The following NTM variants were observed in gnomAD, a reference collection of about 807,000 sequenced individuals.
The protein encoded by NTM is neurotrimin.
Under a neutral mutation model 42.1 loss-of-function variants are expected in NTM, and 13 were observed. The ratio of observed to expected loss-of-function variants is 0.31; its 90% CI spans 0.20 to 0.49. NTM has a LOEUF of 0.49. Among genes scored for constraint, NTM ranks in the 20% least tolerant of loss-of-function variants. NTM has a pLI of 0.99. For missense variants in NTM, 373 were observed against 452.8 expected, an observed-to-expected ratio of 0.82 and a Z score of 1.60; for synonymous variants, 187 against 179.2, an observed-to-expected ratio of 1.04 and a Z score of -0.35.
rs1343878743 is a variant in NTM, at chr11:131,681,127, T to TTCTGTG, written c.83-230435_83-230430dup. Reference sequence around the variant, plus strand: ...TCCCTGTGTGTGTGAGCGTGTGTGTTTCTGTGTATGTATGTTTCCCTGTGT... The same window carrying TTCTGTG: ...TCCCTGTGTGTGTGAGCGTGTGTGTTTCTGTGTCTGTGTATGTATGTTTCCCTGTGT... On this transcript the variant is annotated intron_variant, in intron 1 of 8. Transcript: ENST00000683400. Among the ~76,000 whole-genome samples the TTCTGTG allele has an allele frequency of 5.9e-5, 3 of 50,760 alleles. 1 individual carries two copies. The highest frequency in any genetic ancestry group is 2.8e-4 in the Admixed American group (1 of 3,636). 33.3% of individuals were successfully genotyped at this position (50,760 alleles called of 152,430 possible). A position where few individuals can be genotyped will look rare whatever the true frequency, so the allele number is the denominator to read the frequency against.
chr11:132,273,309 G>GT (rs57877862), intron 4 of NTM, among the ~76,000 whole-genome samples: 24,445 of 55,684 alleles, frequency 0.44, 9,539 homozygotes, highest in African/African-American at 0.49. Context: ...GTTGACTAGT[G>GT]TTTTTTTTTT....
At chr11:131,700,807 C>T (rs147578808) in intron 1 of NTM, among the ~76,000 whole-genome samples, 1 of 152,308 alleles carries the variant, frequency 6.6e-6, no homozygotes, top group East Asian at 1.9e-4. Context: ...TAGAAATTGT[C>T]CTTGATCTTT....
chr11:132,148,994 G>T (rs1372559591), intron 3 of NTM, among the ~76,000 whole-genome samples: 1 of 152,128 alleles, frequency 6.6e-6, no homozygotes, highest in Non-Finnish European at 1.5e-5. Context: ...GCTGATGGGT[G>T]TATTGATCTG....
At chr11:131,809,740 T>C (rs2092660364) in intron 1 of NTM, among the ~76,000 whole-genome samples, 1 of 152,210 alleles carries the variant, frequency 6.6e-6, no homozygotes, top group Admixed American at 6.5e-5. Context: ...ACGGCACCAA[T>C]ATAAATCTTC....
At chr11:132,292,035 A>G (rs968907283) in intron 4 of NTM, among the ~76,000 whole-genome samples, 7 of 152,194 alleles carry the variant, frequency 4.6e-5, no homozygotes, top group Non-Finnish European at 8.8e-5. Context: ...TAAGGCAGAC[A>G]TTAGAAGGTG....
intron 1 of NTM, among the ~76,000 whole-genome samples, chr11:131,452,569 G>A (rs1182273617): frequency 6.6e-6 from 1 of 152,218 alleles, no homozygotes; most frequent in East Asian, 1.9e-4. Flanking sequence ...GCTATGTGAT[G>A]ATATGGGAAA....
chr11:132,239,515 TC>T (rs1258257594), intron 4 of NTM, among the ~76,000 whole-genome samples: 1 of 152,212 alleles, frequency 6.6e-6, no homozygotes, highest in East Asian at 1.9e-4. Context: ...TTTACCATGT[TC>T]ATCTGCCCAA....
At chr11:131,493,882 C>A (rs1565561110) in intron 1 of NTM, among the ~76,000 whole-genome samples, 1 of 152,196 alleles carries the variant, frequency 6.6e-6, no homozygotes, top group African/African-American at 2.4e-5. Context: ...CTGAGCTGCA[C>A]CTCCATAGCC....
intron 1 of NTM, among the ~76,000 whole-genome samples, chr11:131,495,563 C>T (rs894956852): frequency 7.9e-5 from 12 of 152,328 alleles, no homozygotes; most frequent in African/African-American, 2.4e-4. Flanking sequence ...CCAGTGTGGT[C>T]GATACTTGGG....
At chr11:131,812,234 C>T (rs2092765926) in intron 1 of NTM, among the ~76,000 whole-genome samples, 1 of 140,732 alleles carries the variant, frequency 7.1e-6, no homozygotes, top group African/African-American at 2.5e-5. Context: ...CCCTTCCTCC[C>T]TCTCATTCTC....
intron 1 of NTM, among the ~76,000 whole-genome samples, chr11:131,847,785 G>T (rs1024568372): frequency 2.9e-4 from 44 of 152,114 alleles, no homozygotes; most frequent in African/African-American, 1.1e-3. Context: ...CTCTGTTCAC[G>T]CTCTGTGACT....
chr11:131,598,225 C>T (rs1463440103), intron 1 of NTM, among the ~76,000 whole-genome samples: 3 of 152,196 alleles, frequency 2.0e-5, no homozygotes, highest in Admixed American at 6.5e-5. Context: ...AGAGATGCCT[C>T]AAGGGAATAT....
At chr11:132,142,231 T>C (rs1322482768) in intron 2 of NTM, among the ~76,000 whole-genome samples, 9 of 152,196 alleles carry the variant, frequency 5.9e-5, no homozygotes, top group Non-Finnish European at 1.5e-5. Flanking sequence ...TGACTATTCC[T>C]CCATATCTGA....
At chr11:132,037,330 AAGC>A (rs2076630820) in intron 2 of NTM, among the ~76,000 whole-genome samples, 1 of 151,980 alleles carries the variant, frequency 6.6e-6, no homozygotes, top group Admixed American at 6.6e-5. Flanking sequence ...CCATGAGGGG[AAGC>A]AGCCTGAGGC....
intron 3 of NTM, among the ~76,000 whole-genome samples, chr11:132,188,094 G>A (rs147723569): frequency 1.3e-5 from 2 of 152,246 alleles, no homozygotes; most frequent in African/African-American, 4.8e-5. Context: ...TCACAACTCT[G>A]TGCGTGCGTG....
chr11:131,520,395 G>A (rs867207279), intron 1 of NTM, among the ~76,000 whole-genome samples: 5 of 152,158 alleles, frequency 3.3e-5, no homozygotes, highest in African/African-American at 9.7e-5. Flanking sequence ...AAGATTGTAA[G>A]TGGTAGAGGT....
chr11:131,839,094 G>A (rs2043896371), intron 1 of NTM, among the ~76,000 whole-genome samples: 1 of 152,038 alleles, frequency 6.6e-6, no homozygotes, highest in Non-Finnish European at 1.5e-5. Context: ...CTGAGTAGCT[G>A]GGATTACAGG....
chr11:132,026,525 T>TG (rs1464032687), intron 2 of NTM, among the ~76,000 whole-genome samples: 1 of 152,216 alleles, frequency 6.6e-6, no homozygotes, highest in African/African-American at 2.4e-5. Flanking sequence ...AGAGGTATTT[T>TG]TTTTCCTTCT....
rs1033601304 is a variant in NTM at position 132,000,406 on chromosome 11, T to G, written c.167+88758T>G. Reference sequence around the variant, plus strand: ...GCTACTCCTTCTTTCATTATCCTCATGCTATTCTTCCTGAGGAGGTTGTTT... The same window carrying G: ...GCTACTCCTTCTTTCATTATCCTCAGGCTATTCTTCCTGAGGAGGTTGTTT... On this transcript the variant is annotated intron_variant, in intron 2 of 8. Coordinates refer to ENST00000683400, the MANE Select transcript of NTM (RefSeq NM_001352005.2). Among the ~76,000 whole-genome samples, 3 of 152,220 alleles carry G rather than the reference T, an allele frequency of 2.0e-5. No individual in the cohort carries two copies. The East Asian group carries it at 5.8e-4, about 29-fold the overall frequency.
Sources: gnomAD v4.1 joint callset for allele counts (sites outside exome capture counted in the v4.1 genomes callset) on GRCh38, gnomAD v4.1.1 for gene constraint, MANE v1.5 for transcripts, NCBI Gene and HGNC (gene_info 2026-07-23, HGNC 2026-07-21) for gene names.